Variants in SKIC3 observed in about 807,000 individuals in gnomAD.
SKIC3 encodes superkiller complex protein 3.
the SKIC3 span, among the ~76,000 whole-genome samples, chr5:95,477,820 G>A: frequency 3.3e-5 from 5 of 151,992 alleles, no homozygotes; most frequent in Non-Finnish European, 7.4e-5. Flanking sequence ...CATGTATCTT[G>A]ACAAATTTTC....
the SKIC3 span, chr5:95,523,690 C>A: frequency 6.2e-7 from 1 of 1,613,614 alleles, no homozygotes; most frequent in Non-Finnish European, 8.5e-7. Context: ...TCAACTGCTG[C>A]AGCTCCAGAT....
the SKIC3 span, chr5:95,547,027 T>C: frequency 1.3e-6 from 2 of 1,581,136 alleles, no homozygotes; most frequent in South Asian, 2.2e-5. Flanking sequence ...ATGGGTAACA[T>C]ACTTTCATTG....
the SKIC3 span, chr5:95,540,831 C>G: frequency 6.2e-7 from 1 of 1,613,492 alleles, no homozygotes; most frequent in South Asian, 1.1e-5. Flanking sequence ...TTCGAGCCAC[C>G]TATTAAAGAA....
chr5:95,477,955 T>C, the SKIC3 span, among the ~76,000 whole-genome samples: 1 of 152,230 alleles, frequency 6.6e-6, no homozygotes, highest in Admixed American at 6.5e-5. Flanking sequence ...ATGACTGAAA[T>C]GTTCACTATA....
chr5:95,526,389 T>C, the SKIC3 span, among the ~76,000 whole-genome samples: 3 of 152,096 alleles, frequency 2.0e-5, no homozygotes, highest in Admixed American at 1.3e-4. Flanking sequence ...TGTATATTAG[T>C]AGTTGGGTTC....
At chr5:95,537,519 G>A in the SKIC3 span, among the ~76,000 whole-genome samples, 4 of 152,204 alleles carry the variant, frequency 2.6e-5, no homozygotes, top group South Asian at 2.1e-4. Context: ...GTTCTTTGAA[G>A]TATCTTCAAT....
chr5:95,506,852 A>ACC, the SKIC3 span: 1 of 1,335,668 alleles, frequency 7.5e-7, no homozygotes, highest in Non-Finnish European at 1.1e-6. Context: ...TCTAGGAACT[A>ACC]GTCAGCATAT....
the SKIC3 span, among the ~76,000 whole-genome samples, chr5:95,489,312 T>C: frequency 2.0e-5 from 3 of 151,800 alleles, no homozygotes; most frequent in African/African-American, 7.3e-5. Context: ...AGCAACAATG[T>C]ATTTGATTAT....
chr5:95,490,573 T>C, the SKIC3 span, among the ~76,000 whole-genome samples: 7 of 150,676 alleles, frequency 4.6e-5, no homozygotes, highest in Admixed American at 1.3e-4. Flanking sequence ...TCTCGGCTCA[T>C]TGCAAGCTCC....
the SKIC3 span, among the ~76,000 whole-genome samples, chr5:95,507,654 A>C: frequency 4.6e-5 from 7 of 152,218 alleles, no homozygotes; most frequent in East Asian, 1.3e-3. Context: ...AGAAATAGCC[A>C]AGAAAGATTT....
the SKIC3 span, among the ~76,000 whole-genome samples, chr5:95,481,119 TA>T: frequency 6.6e-6 from 1 of 152,040 alleles, no homozygotes; most frequent in Non-Finnish European, 1.5e-5. Flanking sequence ...TATCATAATA[TA>T]AAAGAAAACA....
the SKIC3 span, among the ~76,000 whole-genome samples, chr5:95,517,480 A>G: frequency 3.3e-5 from 5 of 152,162 alleles, no homozygotes; most frequent in African/African-American, 1.2e-4. Context: ...TAGGAAGGGA[A>G]GAAGAAAAGG....
At chr5:95,537,509 G>A in the SKIC3 span, among the ~76,000 whole-genome samples, 24 of 152,174 alleles carry the variant, frequency 1.6e-4, no homozygotes, top group Non-Finnish European at 3.4e-4. Flanking sequence ...TCACTAGCAC[G>A]TTCTTTGAAG....
the SKIC3 span, chr5:95,503,011 A>G: frequency 4.3e-6 from 7 of 1,613,798 alleles, no homozygotes; most frequent in South Asian, 3.3e-5. Flanking sequence ...AGGCTGTTAC[A>G]TAGAAGTGAA....
chr5:95,520,789 T>C, the SKIC3 span: 1 of 1,612,378 alleles, frequency 6.2e-7, no homozygotes, highest in Non-Finnish European at 8.5e-7. Context: ...AGAGCTGCTT[T>C]TGCCATCATA....
chr5:95,480,590 G>A, the SKIC3 span, among the ~76,000 whole-genome samples: 2 of 152,170 alleles, frequency 1.3e-5, no homozygotes, highest in African/African-American at 2.4e-5. Context: ...CACTGCTGGT[G>A]CAAGTGTAAA....
At chr5:95,524,230 G>C in the SKIC3 span, among the ~76,000 whole-genome samples, 8 of 152,074 alleles carry the variant, frequency 5.3e-5, no homozygotes, top group Non-Finnish European at 1.2e-4. Flanking sequence ...TTGTTTACAA[G>C]AGATAATTAT....
chr5:95,542,807 A>G, the SKIC3 span, among the ~76,000 whole-genome samples: 7 of 152,238 alleles, frequency 4.6e-5, no homozygotes, highest in Non-Finnish European at 8.8e-5. Context: ...GCACTCAAAG[A>G]TAGAAACATT....
At chr5:95,494,536 G>T in the SKIC3 span, 2 of 792,198 alleles carry the variant, frequency 2.5e-6, no homozygotes, top group Non-Finnish European at 4.1e-6. Flanking sequence ...AACTCCTGTT[G>T]TAGAAGATCT....
Sources: allele counts gnomAD v4.1 joint callset (sites outside exome capture counted in the v4.1 genomes callset), GRCh38; gene constraint gnomAD v4.1.1; transcripts MANE v1.5; gene names NCBI Gene and HGNC (gene_info 2026-07-23, HGNC 2026-07-21).